Variants in DOCK11 observed in about 807,000 individuals in gnomAD.
The protein encoded by DOCK11 is dedicator of cytokinesis 11.
A neutral mutation model predicts 169.1 loss-of-function variants in DOCK11; 70 were observed. The ratio of observed to expected loss-of-function variants is 0.41; its 90% CI spans 0.34 to 0.51. DOCK11 has a LOEUF of 0.51. Ranked by LOEUF, DOCK11 falls within the 20% of genes least tolerant of loss-of-function variation. The probability of loss-of-function intolerance (pLI) is 0.10; values close to 1 mark genes in which losing one functional copy is unlikely to be tolerated. For missense variants in DOCK11, 1,166 were observed against 1,538.8 expected, an observed-to-expected ratio of 0.76 and a Z score of 4.05; for synonymous variants, 529 against 541.3, an observed-to-expected ratio of 0.98 and a Z score of 0.32.
intron 46 of DOCK11, among the ~76,000 whole-genome samples, chrX:118,672,726 T>C (rs113729582): frequency 0.061 from 6,874 of 113,091 alleles, 297 homozygotes; most frequent in African/African-American, 0.15. Flanking sequence ...TGAGCCACCG[T>C]GCCCGGCCTG....
At chrX:118,528,956 C>T (rs190588123) in intron 1 of DOCK11, among the ~76,000 whole-genome samples, 2 of 109,184 alleles carry the variant, frequency 1.8e-5, no homozygotes, top group East Asian at 5.8e-4. Context: ...AATTCAAGTG[C>T]GCAACCAATA....
chrX:118,636,504 C>G (rs1279246514), intron 36 of DOCK11, 92 bp downstream of exon 36: 1 of 381,019 alleles, frequency 2.6e-6, no homozygotes, highest in Admixed American at 5.6e-5. Flanking sequence ...AGCTTATTTG[C>G]TAATAATGTA....
rs2013884011 is a variant in DOCK11 at position 118,588,407 on chromosome X, T to A, written c.1981-6T>A. 1 of 1,186,267 alleles carries A rather than the reference T, an allele frequency of 8.4e-7. No individual in the cohort carries two copies. Among genetic ancestry groups the A allele is most frequent in the Non-Finnish European group, 1.1e-6 (1 of 883,672 alleles). ...GTGACTCATTTTGACTGATTAATCA[T>A]TTTAGGCAAGGAACATTGCAGTCTG... is the stretch of plus-strand genomic sequence containing the variant. On this transcript the variant is annotated splice_polypyrimidine_tract_variant and splice_region_variant and intron_variant, in intron 17 of 52. Coordinates refer to ENST00000276202, the MANE Select transcript of DOCK11 (RefSeq NM_144658.4).
In DOCK11 at chrX:118,496,088, GA is replaced by G. The variant is rs1009918266; in HGVS notation, c.102+16del. On this transcript the variant is annotated intron_variant, in intron 1 of 52. Coordinates refer to ENST00000276202, the MANE Select transcript of DOCK11 (RefSeq NM_144658.4). ...CCGTGGTGCTGGTGAGTGGCCGGGGGACGGGGCATCCCGGGGGACGCGCTCC... is the reference window on the plus strand; with the variant it reads ...CCGTGGTGCTGGTGAGTGGCCGGGGGCGGGGCATCCCGGGGGACGCGCTCC... 2.8e-5 allele frequency: 28 copies of G among 994,351 alleles called. No individual in the cohort carries two copies. The highest frequency in any genetic ancestry group is 3.6e-5 in the Non-Finnish European group (28 of 784,859). 81.9% of individuals were successfully genotyped at this position (994,351 alleles called of 1,213,427 possible).
intron 11 of DOCK11, among the ~76,000 whole-genome samples, chrX:118,572,972 A>T (rs1354351793): frequency 1.8e-5 from 2 of 112,215 alleles, no homozygotes; most frequent in Admixed American, 1.9e-4. Context: ...CCATGCTGGG[A>T]TACAGATGCT....
In DOCK11 at chrX:118,578,485, G is replaced by C. The variant is rs776173064; in HGVS notation, c.1390-40G>C. ...TAACCATAAACAACCATATGCACAA[G>C]ATTACATAAGAAAGTCTAACGGAAG... On this transcript the variant is annotated intron_variant, in intron 12 of 52. Transcript: ENST00000276202. The C allele has an allele frequency of 2.5e-6, 3 of 1,193,823 alleles. No individual in the cohort carries two copies. In the East Asian group the frequency reaches 9.1e-5, roughly 36 times the overall value.
At chrX:118,566,726 A>C in intron 9 of DOCK11, 73 bp downstream of exon 9, 1 of 935,954 alleles carries the variant, frequency 1.1e-6, no homozygotes, top group Non-Finnish European at 1.5e-6. Flanking sequence ...TTAATGCTGG[A>C]TTCCATTTGG....
intron 7 of DOCK11, among the ~76,000 whole-genome samples, chrX:118,564,280 T>C (rs2013004522): frequency 8.9e-6 from 1 of 112,919 alleles, no homozygotes; most frequent in Non-Finnish European, 1.9e-5. Flanking sequence ...TAAATCTTTA[T>C]GACTTGATAC....
intron 19 of DOCK11, among the ~76,000 whole-genome samples, chrX:118,592,589 A>G (rs2014038012): frequency 8.9e-6 from 1 of 112,280 alleles, no homozygotes; most frequent in Non-Finnish European, 1.9e-5. Flanking sequence ...AGGAGGCATT[A>G]CAAACATTCG....
intron 6 of DOCK11, among the ~76,000 whole-genome samples, chrX:118,547,950 A>G (rs908781572): frequency 1.8e-5 from 2 of 111,867 alleles, no homozygotes; most frequent in African/African-American, 3.2e-5. Context: ...TGGGAGGCCA[A>G]GGCAGGAGGA....
At chrX:118,528,225 G>C (rs1885760938) in intron 1 of DOCK11, among the ~76,000 whole-genome samples, 1 of 112,353 alleles carries the variant, frequency 8.9e-6, no homozygotes, top group African/African-American at 3.2e-5. Context: ...GTTGATCCCA[G>C]GGCTTGTATC....
rs535209259 is a variant in DOCK11, at chrX:118,515,858, T to A, written c.102+19785T>A. ...ATCTGTGTTACCTTGGGCAGACTGT[T>A]TGACTTTTGGGGGATCTCCTTTTGC... On this transcript the variant is annotated intron_variant, in intron 1 of 52. Coordinates refer to ENST00000276202, the MANE Select transcript of DOCK11 (RefSeq NM_144658.4). Among the ~76,000 whole-genome samples, 22 of 106,164 alleles carry A rather than the reference T, an allele frequency of 2.1e-4. No individual in the cohort carries two copies. In the South Asian group the frequency reaches 8.1e-3, roughly 39 times the overall value. 92.2% of individuals were successfully genotyped at this position (106,164 alleles called of 115,157 possible). A position where few individuals can be genotyped will look rare whatever the true frequency, so the allele number is the denominator to read the frequency against.
chrX:118,602,851 T>C (rs2014383970), intron 23 of DOCK11, among the ~76,000 whole-genome samples: 1 of 112,310 alleles, frequency 8.9e-6, no homozygotes, highest in Non-Finnish European at 1.9e-5. Context: ...TACTTTCTTA[T>C]TTTATTCATT....
intron 40 of DOCK11, among the ~76,000 whole-genome samples, chrX:118,645,110 A>G (rs1225199699): frequency 8.9e-6 from 1 of 111,810 alleles, no homozygotes; most frequent in Non-Finnish European, 1.9e-5. Flanking sequence ...TGTGAAATAC[A>G]GGGGAAAGAC....
intron 1 of DOCK11, among the ~76,000 whole-genome samples, chrX:118,516,909 GA>G (rs2057693683): frequency 4.5e-5 from 5 of 111,218 alleles, no homozygotes; most frequent in African/African-American, 1.6e-4. Context: ...ACTGACCTCA[GA>G]GGCTTGTTGC....
intron 44 of DOCK11, among the ~76,000 whole-genome samples, chrX:118,658,295 T>C (rs1197717463): frequency 8.9e-6 from 1 of 112,663 alleles, no homozygotes; most frequent in Non-Finnish European, 1.9e-5. Flanking sequence ...CCAGTTTCTC[T>C]TGAAGTACAT....
rs2013640943 is a variant in DOCK11 at position 118,581,692 on chromosome X, T to C, written c.1595+1513T>C. Reference sequence around the variant, plus strand: ...GGTGGCGTGCACCTGTAGTGCCAGCTACTCTGGAGGCTGAGGCAGGAGAAT... The same window carrying C: ...GGTGGCGTGCACCTGTAGTGCCAGCCACTCTGGAGGCTGAGGCAGGAGAAT... On this transcript the variant is annotated intron_variant, in intron 14 of 52. Transcript: ENST00000276202. Among the ~76,000 whole-genome samples the C allele has an allele frequency of 2.8e-5, 3 of 106,418 alleles. No individual in the cohort carries two copies. In the Admixed American group the frequency reaches 3.1e-4, roughly 11 times the overall value. 92.4% of individuals were successfully genotyped at this position (106,418 alleles called of 115,157 possible).
intron 4 of DOCK11, among the ~76,000 whole-genome samples, chrX:118,544,380 G>A (rs971605485): frequency 9.0e-6 from 1 of 110,984 alleles, no homozygotes; most frequent in Non-Finnish European, 1.9e-5. Flanking sequence ...TAACCTGTTT[G>A]AGCTCTCCAT....
At chrX:118,683,656 C>T (rs1273365149) in intron 52 of DOCK11, among the ~76,000 whole-genome samples, 1 of 112,173 alleles carries the variant, frequency 8.9e-6, no homozygotes, top group African/African-American at 3.2e-5. Flanking sequence ...ATTTCATTTG[C>T]ATGCAGCTGC....
Sources: allele counts gnomAD v4.1 joint callset (sites outside exome capture counted in the v4.1 genomes callset), GRCh38; gene constraint gnomAD v4.1.1; transcripts MANE v1.5; gene names NCBI Gene and HGNC (gene_info 2026-07-23, HGNC 2026-07-21).